The following NR2F1-AS1 variants were observed in gnomAD, a reference collection of about 807,000 sequenced individuals.
NR2F1-AS1 encodes NR2F1 regulatory antisense RNA 1, also known as NR2F1 antisense RNA 1.
intron 3 of NR2F1-AS1, chr5:93,553,947 C>A (rs1235730238): frequency 8.5e-5 from 13 of 152,136 alleles, no homozygotes; most frequent in Admixed American, 8.5e-4. Flanking sequence ...CCCTTGGTCC[C>A]AAACTACCAT....
At chr5:93,444,584 C>T (rs1211865294) in intron 4 of NR2F1-AS1, among the ~76,000 whole-genome samples, 2 of 152,172 alleles carry the variant, frequency 1.3e-5, no homozygotes, top group African/African-American at 2.4e-5. Flanking sequence ...GATGTACACT[C>T]CCACACAAAA....
upstream of NR2F1-AS1, among the ~76,000 whole-genome samples, chr5:93,581,912 CTCTCTCTCTCTCTCTCTCTGGG>C (rs1753094073): frequency 1.8e-5 from 2 of 113,804 alleles, no homozygotes; most frequent in Non-Finnish European, 3.7e-5. Flanking sequence ...CTCTGGGTCT[CTCTCTCTCTCTCTCTCTCTGGG>C]TCTCTCTCTC....
In NR2F1-AS1 at chr5:93,442,334, C is replaced by A. The variant is rs532291629; in HGVS notation, n.639-46792G>T. Among the ~76,000 whole-genome samples the A allele has an allele frequency of 1.0e-3, 152 of 152,282 alleles. 2 individuals carry two copies. Among genetic ancestry groups the A allele is most frequent in the African/African-American group, 3.6e-3 (148 of 41,550 alleles). On this transcript the variant is annotated intron_variant and non_coding_transcript_variant, in intron 4 of 5. Coordinates refer to ENST00000660523, the Ensembl canonical transcript of NR2F1-AS1. ...GACGGTACCTGGAAAATCGGGACAC[C>A]CTCACCCTAATACTGTGCTTTTCCA... is the stretch of plus-strand genomic sequence containing the variant.
intron 4 of NR2F1-AS1, among the ~76,000 whole-genome samples, chr5:93,496,636 G>C (rs572869439): frequency 6.6e-6 from 1 of 152,274 alleles, no homozygotes; most frequent in South Asian, 2.1e-4. Context: ...AAATACAGGT[G>C]TTTCCAATGT....
chr5:93,545,274 T>G (rs1000856784), intron 4 of NR2F1-AS1, among the ~76,000 whole-genome samples: 1 of 152,218 alleles, frequency 6.6e-6, no homozygotes, highest in African/African-American at 2.4e-5. Flanking sequence ...TACTTCATAT[T>G]CACTTAAGAA....
At chr5:93,461,914 C>T (rs535598255) in intron 4 of NR2F1-AS1, among the ~76,000 whole-genome samples, 16 of 152,092 alleles carry the variant, frequency 1.1e-4, no homozygotes, top group African/African-American at 3.9e-4. Flanking sequence ...TATGACAAGT[C>T]TAGATGATTA....
At chr5:93,583,640 C>T (rs908068355), upstream of NR2F1-AS1, 1 of 151,558 alleles carries the variant, frequency 6.6e-6, no homozygotes, top group Non-Finnish European at 1.5e-5. Flanking sequence ...GGCTGAAGAG[C>T]ACTTATTTAA....
rs769401042 is a variant in NR2F1-AS1 at position 93,491,161 on chromosome 5, TG to T, written n.638+62599del. Among the ~76,000 whole-genome samples, 4 of 147,430 alleles carry T rather than the reference TG, an allele frequency of 2.7e-5. No homozygotes were observed. The East Asian group carries it at 6.0e-4, about 22-fold the overall frequency. On this transcript the variant is annotated intron_variant and non_coding_transcript_variant, in intron 4 of 5. Transcript: ENST00000660523. ...CGGTAATGGTGGTGTTTATGGTGGT[TG>T]TGGTTATGGTAGTGGTGGTGGTGGC... is the stretch of plus-strand genomic sequence containing the variant.
At chr5:93,464,503 G>C (rs1022468428) in intron 4 of NR2F1-AS1, among the ~76,000 whole-genome samples, 1 of 152,144 alleles carries the variant, frequency 6.6e-6, no homozygotes, top group East Asian at 1.9e-4. Flanking sequence ...GATTAAATTT[G>C]ATTAAGAGTT....
intron 4 of NR2F1-AS1, among the ~76,000 whole-genome samples, chr5:93,506,962 T>C (rs1409756215): frequency 1.3e-5 from 2 of 152,208 alleles, no homozygotes; most frequent in Admixed American, 1.3e-4. Context: ...CTATATCATC[T>C]AAATGTCTAT....
intron 4 of NR2F1-AS1, among the ~76,000 whole-genome samples, chr5:93,537,540 AGG>A (rs1466579232): frequency 1.3e-5 from 2 of 152,200 alleles, no homozygotes; most frequent in African/African-American, 4.8e-5. Flanking sequence ...AATGGTCAAT[AGG>A]TATATGAAAA....
intron 1 of NR2F1-AS1, among the ~76,000 whole-genome samples, chr5:93,578,881 T>C (rs1250946983): frequency 6.6e-6 from 1 of 152,146 alleles, no homozygotes; most frequent in Non-Finnish European, 1.5e-5. Context: ...ATTTCCTGGT[T>C]GAGTGTGGGT....
rs759381976 is a variant in NR2F1-AS1, at chr5:93,533,153, T to C, written n.638+20608A>G. Among the ~76,000 whole-genome samples, 98 of 152,356 alleles carry C rather than the reference T, an allele frequency of 6.4e-4. 1 individual carries two copies. The highest frequency in any genetic ancestry group is 3.4e-3 in the Middle Eastern group (1 of 294). On this transcript the variant is annotated intron_variant and non_coding_transcript_variant, in intron 4 of 5. Coordinates refer to ENST00000660523, the Ensembl canonical transcript of NR2F1-AS1. ...CATGTTTGAACTAATCCCTCAAGGC[T>C]GATGCTTTGATCATTTTGGTGATTC...
At chr5:93,440,638 T>C (rs1275563836) in intron 4 of NR2F1-AS1, among the ~76,000 whole-genome samples, 1 of 152,154 alleles carries the variant, frequency 6.6e-6, no homozygotes, top group African/African-American at 2.4e-5. Flanking sequence ...CAGTTTTTTA[T>C]AGTAAATCTC....
chr5:93,444,495 G>A (rs542504446), intron 4 of NR2F1-AS1, among the ~76,000 whole-genome samples: 3 of 152,222 alleles, frequency 2.0e-5, no homozygotes, highest in Admixed American at 1.3e-4. Context: ...GACAAGAAGC[G>A]CTAACTATCC....
intron 4 of NR2F1-AS1, among the ~76,000 whole-genome samples, chr5:93,510,277 C>T (rs1160987932): frequency 6.6e-6 from 1 of 152,078 alleles, no homozygotes; most frequent in Non-Finnish European, 1.5e-5. Context: ...TCTCTGATTT[C>T]ACTGCAATTC....
At chr5:93,558,809 C>T (rs1752421395) in intron 2 of NR2F1-AS1, among the ~76,000 whole-genome samples, 1 of 152,182 alleles carries the variant, frequency 6.6e-6, no homozygotes, top group Non-Finnish European at 1.5e-5. Flanking sequence ...AATCTTTTTT[C>T]TAAGCAGCAA....
chr5:93,474,382 A>T (rs979739658), intron 4 of NR2F1-AS1, among the ~76,000 whole-genome samples: 1 of 152,234 alleles, frequency 6.6e-6, no homozygotes, highest in Non-Finnish European at 1.5e-5. Context: ...ACAATACTCA[A>T]TAATATTAAA....
At chr5:93,582,674 CAGA>C (rs1469730020), upstream of NR2F1-AS1, among the ~76,000 whole-genome samples, 1 of 152,156 alleles carries the variant, frequency 6.6e-6, no homozygotes, top group African/African-American at 2.4e-5. Context: ...AAAAACTTTT[CAGA>C]AGAAATCAAA....
Sources: allele counts gnomAD v4.1 joint callset (sites outside exome capture counted in the v4.1 genomes callset), GRCh38; gene constraint gnomAD v4.1.1; transcripts MANE v1.5; gene names NCBI Gene and HGNC (gene_info 2026-07-23, HGNC 2026-07-21).